MAK: variants seen among roughly 807,000 people sequenced by gnomAD.
The protein encoded by MAK is serine/threonine-protein kinase MAK.
In MAK, 65 loss-of-function variants were observed where a neutral mutation model predicts 82.6. That is an observed-to-expected ratio of 0.79 (90% CI 0.64 to 0.97). The LOEUF is 0.97. MAK is among the 50% of genes least tolerant of loss of function. MAK has a pLI of 0.00. For missense variants in MAK, 703 were observed against 780.2 expected, an observed-to-expected ratio of 0.90 and a Z score of 1.18; for synonymous variants, 250 against 274.2, an observed-to-expected ratio of 0.91 and a Z score of 0.87.
At chr6:10,809,297 ACTATTGTG>A (rs1776737925) in intron 5 of MAK, among the ~76,000 whole-genome samples, 1 of 152,182 alleles carries the variant, frequency 6.6e-6, no homozygotes, top group Non-Finnish European at 1.5e-5. Flanking sequence ...TACTGTTATC[ACTATTGTG>A]CAATAGAGGA....
intron 7 of MAK, chr6:10,802,293 T>C: frequency 2.2e-6 from 1 of 463,124 alleles, no homozygotes; most frequent in African/African-American, 2.0e-5. Context: ...CTTTTATAGC[T>C]TTTTTTTGTT....
At chr6:10,802,417 T>C (rs1310212494) in intron 7 of MAK, 2 of 221,526 alleles carry the variant, frequency 9.0e-6, no homozygotes, top group Non-Finnish European at 1.8e-5. Context: ...AAGATCCTCC[T>C]ACCTCAGACT....
intron 13 of MAK, among the ~76,000 whole-genome samples, chr6:10,772,064 C>T (rs1773063716): frequency 1.3e-5 from 2 of 152,176 alleles, no homozygotes; most frequent in Non-Finnish European, 2.9e-5. Context: ...GCTTAAACAA[C>T]TTGTCCCAAA....
At chr6:10,835,552 C>T (rs975527409) in intron 1 of MAK, among the ~76,000 whole-genome samples, 1 of 152,228 alleles carries the variant, frequency 6.6e-6, no homozygotes, top group African/African-American at 2.4e-5. Flanking sequence ...TGAGCCACTG[C>T]GCCCAGCCAT....
In MAK at chr6:10,808,958, AG is replaced by A; in HGVS notation, c.359-17del. ...TGAAAAAAGCCTTGATGATATACGG[AG>A]AAAAAAAAATACAGTAAATCATTAC... On this transcript the variant is annotated splice_polypyrimidine_tract_variant and intron_variant, in intron 5 of 14. Coordinates refer to ENST00000354489, the MANE Select transcript of MAK (RefSeq NM_001242957.3). The A allele has an allele frequency of 6.2e-7, 1 of 1,606,158 alleles. No homozygotes were observed. The highest frequency in any genetic ancestry group is 8.5e-7 in the Non-Finnish European group (1 of 1,173,216).
At position 10,780,019 on chromosome 6, in the gene MAK, C is replaced by T. The variant is rs142057394; in HGVS notation, c.1465+4405G>A. 4.7e-4 allele frequency among the ~76,000 whole-genome samples: 71 copies of T among 152,302 alleles called. No homozygotes were observed. In the East Asian group the frequency reaches 0.012, roughly 26 times the overall value. On this transcript the variant is annotated intron_variant, in intron 11 of 14. Transcript: ENST00000354489. ...TGCTTCTTATTCAGGTTTCTATCCT[C>T]TGCATAGTTGCTGGTTCACAATAGG...
rs747511670 is a variant in MAK at position 10,764,416 on chromosome 6, A to G, written c.*36T>C. ...GGGTCAAGGAACTTGCACGTACTCT[A>G]CGGAGCAATGCTGTAGGGTTTCACA... On this transcript the variant is annotated 3_prime_UTR_variant, in exon 15 of 15. Transcript: ENST00000354489. 1 of 1,608,568 alleles carries G rather than the reference A, an allele frequency of 6.2e-7. No homozygotes were observed. The highest frequency in any genetic ancestry group is 8.5e-7 in the Non-Finnish European group (1 of 1,175,784).
chr6:10,835,084 G>T (rs1779069224), intron 1 of MAK, among the ~76,000 whole-genome samples: 1 of 152,220 alleles, frequency 6.6e-6, no homozygotes, highest in Admixed American at 6.5e-5. Context: ...CCTGCGTCTG[G>T]ATGATTAAAG....
intron 14 of MAK, among the ~76,000 whole-genome samples, chr6:10,768,537 C>T (rs756383829): frequency 9.2e-5 from 14 of 152,230 alleles, no homozygotes; most frequent in Non-Finnish European, 1.8e-4. Flanking sequence ...GCTGAGATCA[C>T]ACCACTGCAC....
chr6:10,763,244 A>G lies in MAK; in HGVS notation c.*1208T>C, dbSNP rs1772105670. On this transcript the variant is annotated 3_prime_UTR_variant, in exon 15 of 15. Coordinates refer to ENST00000354489, the MANE Select transcript of MAK (RefSeq NM_001242957.3). ...CAGAGCTGAGTCAGTGGTCAGCAGCATGAGCTGGCTTGGGGGAACCAGCTG... is the reference window on the plus strand; with the variant it reads ...CAGAGCTGAGTCAGTGGTCAGCAGCGTGAGCTGGCTTGGGGGAACCAGCTG... 6.6e-6 allele frequency: 1 copy of G among 152,632 alleles called. No homozygotes were observed. Among genetic ancestry groups the G allele is most frequent in the Admixed American group, 6.5e-5 (1 of 15,280 alleles). 9.5% of individuals were successfully genotyped at this position (152,632 alleles called of 1,614,324 possible). A position where few individuals can be genotyped will look rare whatever the true frequency, so the allele number is the denominator to read the frequency against.
In MAK at chr6:10,763,424, T is replaced by C. The variant is rs929287378; in HGVS notation, c.*1028A>G. On this transcript the variant is annotated 3_prime_UTR_variant, in exon 15 of 15. Transcript: ENST00000354489. ...GGTTACTATTGAAGTCATCAAGCCA[T>C]TGGGCTTGATTGTCACCTTGAATTC... 3.3e-5 allele frequency: 5 copies of C among 152,146 alleles called. No homozygotes were observed. The highest frequency in any genetic ancestry group is 4.8e-5 in the African/African-American group (2 of 41,426). The allele number at this position is 152,146 out of a possible 1,614,324, so 9.4% of individuals were successfully genotyped here. A position where few individuals can be genotyped will look rare whatever the true frequency, so the allele number is the denominator to read the frequency against.
At chr6:10,806,572 T>C (rs1280871318) in intron 6 of MAK, among the ~76,000 whole-genome samples, 1 of 146,194 alleles carries the variant, frequency 6.8e-6, no homozygotes, top group African/African-American at 2.6e-5. Context: ...TTAGCCAAAA[T>C]GGTCTTGATT....
intron 11 of MAK, among the ~76,000 whole-genome samples, chr6:10,777,778 A>G (rs376400156): frequency 3.7e-4 from 56 of 152,202 alleles, no homozygotes; most frequent in African/African-American, 1.1e-3. Flanking sequence ...AGCTGGGATT[A>G]CAGGCATGCG....
intron 8 of MAK, among the ~76,000 whole-genome samples, chr6:10,799,133 G>A (rs1775815453): frequency 6.6e-6 from 1 of 152,156 alleles, no homozygotes; most frequent in South Asian, 2.1e-4. Flanking sequence ...ACCGCACATG[G>A]TTGGAAACAT....
chr6:10,821,428 A>C (rs181948252), intron 2 of MAK, among the ~76,000 whole-genome samples: 157 of 152,102 alleles, frequency 1.0e-3, no homozygotes, highest in African/African-American at 3.4e-3. Flanking sequence ...GGTGTGTGCC[A>C]CCAAGCTCGA....
At position 10,765,440 on chromosome 6, in the gene MAK, ATTTTTTTTTTTT is replaced by A. The variant is rs200536068; in HGVS notation, c.1793-846_1793-835del. 1.6e-3 allele frequency among the ~76,000 whole-genome samples: 205 copies of A among 130,632 alleles called. 1 individual carries two copies. The highest frequency in any genetic ancestry group is 6.1e-3 in the African/African-American group (182 of 29,996). 85.7% of individuals were successfully genotyped at this position (130,632 alleles called of 152,430 possible). A position where few individuals can be genotyped will look rare whatever the true frequency, so the allele number is the denominator to read the frequency against. ...TTAAAATGTGGGTTTTAGAATGAAG[ATTTTTTTTTTTT>A]TTTTTTTTTTTTTTTTTTTTTAATG... On this transcript the variant is annotated intron_variant, in intron 14 of 14. Coordinates refer to ENST00000354489, the MANE Select transcript of MAK (RefSeq NM_001242957.3).
At position 10,803,753 on chromosome 6, in the gene MAK, A is replaced by T; in HGVS notation, c.630T>A (p.Phe210Leu). The change falls in exon 7 of 15, where the codon TTT (phenylalanine) becomes TTA (leucine). Residue 210 changes from phenylalanine (F) to leucine (L), a missense_variant. Phe to Leu is a conservative substitution (Grantham distance 22). Coordinates refer to ENST00000354489, the MANE Select transcript of MAK (RefSeq NM_001242957.3). ...FPGTSEVDEIFKICQVLGTPK... is the reference protein window; with the variant it reads ...FPGTSEVDEILKICQVLGTPK... Reference sequence around the variant, plus strand: ...GAGTCCCTAAAACTTGGCAAATTTTAAAGATTTCATCGACCTCACTTGTCC... The same window carrying T: ...GAGTCCCTAAAACTTGGCAAATTTTTAAGATTTCATCGACCTCACTTGTCC... 1 of 1,614,146 alleles carries T rather than the reference A, an allele frequency of 6.2e-7. No homozygotes were observed. The highest frequency in any genetic ancestry group is 8.5e-7 in the Non-Finnish European group (1 of 1,180,024).
In MAK at chr6:10,770,245, TAA is replaced by T. The variant is rs750113782; in HGVS notation, c.1673-17_1673-16del. ...TCCAAGATTTCCTAGTGACATATCA[TAA>T]AGTTTCACAGTCAGAAGGTGAATAT... is the stretch of plus-strand genomic sequence containing the variant. On this transcript the variant is annotated splice_polypyrimidine_tract_variant and intron_variant, in intron 13 of 14. Transcript: ENST00000354489. 1.2e-5 allele frequency: 19 copies of T among 1,613,540 alleles called. No individual in the cohort carries two copies. The African/African-American group carries it at 1.9e-4, about 16-fold the overall frequency.
chr6:10,763,334 C>T lies in MAK; in HGVS notation c.*1118G>A, dbSNP rs1251791053. 1 of 152,078 alleles carries T rather than the reference C, an allele frequency of 6.6e-6. No homozygotes were observed. Among genetic ancestry groups the T allele is most frequent in the Admixed American group, 6.6e-5 (1 of 15,250 alleles). The allele number at this position is 152,078 out of a possible 1,614,324, so 9.4% of individuals were successfully genotyped here. A position where few individuals can be genotyped will look rare whatever the true frequency, so the allele number is the denominator to read the frequency against. The stretch of plus-strand genomic sequence containing the variant: ...AAACAATTTGAAAAGTCCAATGAAC[C>T]AGCATCAAACAAACACAGTTTCCAG... On this transcript the variant is annotated 3_prime_UTR_variant, in exon 15 of 15. Coordinates refer to ENST00000354489, the MANE Select transcript of MAK (RefSeq NM_001242957.3).
Sources: gnomAD v4.1 joint callset for allele counts (sites outside exome capture counted in the v4.1 genomes callset) on GRCh38, gnomAD v4.1.1 for gene constraint, MANE v1.5 for transcripts, NCBI Gene and HGNC (gene_info 2026-07-23, HGNC 2026-07-21) for gene names.